GLT1D1: variants seen among roughly 807,000 people sequenced by gnomAD.
GLT1D1 encodes glycosyltransferase 1 domain-containing protein 1.
A neutral mutation model predicts 28.7 loss-of-function variants in GLT1D1; 21 were observed. The ratio of observed to expected loss-of-function variants is 0.73; its 90% CI spans 0.52 to 1.05. The LOEUF (loss-of-function observed/expected upper bound fraction) is 1.05. GLT1D1 is among the 50% of genes least tolerant of loss of function. The probability of loss-of-function intolerance (pLI) is 0.00; values close to 1 mark genes in which losing one functional copy is unlikely to be tolerated. For missense variants in GLT1D1, 343 were observed against 330.6 expected, an observed-to-expected ratio of 1.04 and a Z score of -0.29; for synonymous variants, 147 against 124.8, an observed-to-expected ratio of 1.18 and a Z score of -1.19.
chr12:128,939,399 T>TAA (rs772160842), intron 4 of GLT1D1, among the ~76,000 whole-genome samples: 29 of 116,558 alleles, frequency 2.5e-4, no homozygotes, highest in African/African-American at 7.3e-4. Flanking sequence ...CTGTCTCTAC[T>TAA]AAAAAAAAAA....
Position 128,984,112 on chromosome 12 carries a change from T to G in GLT1D1, c.*1022T>G, listed in dbSNP as rs988125126. 1.3e-5 allele frequency: 2 copies of G among 152,310 alleles called. No individual in the cohort carries two copies. Among genetic ancestry groups the G allele is most frequent in the Non-Finnish European group, 2.9e-5 (2 of 68,096 alleles). The allele number at this position is 152,310 out of a possible 1,614,324, so 9.4% of individuals were successfully genotyped here. A position where few individuals can be genotyped will look rare whatever the true frequency, so the allele number is the denominator to read the frequency against. ...AAATTGTTGCATGCCTGTGGATTCC[T>G]TACGACAATGGGGAACGCGGTGTTT... is the stretch of plus-strand genomic sequence containing the variant. On this transcript the variant is annotated 3_prime_UTR_variant, in exon 8 of 8. Transcript: ENST00000281703.
chr12:128,877,355 A>C (rs975053745), intron 2 of GLT1D1, among the ~76,000 whole-genome samples: 1 of 152,240 alleles, frequency 6.6e-6, no homozygotes, highest in Admixed American at 6.5e-5. Context: ...AATTTTGGTC[A>C]GCAAAATGTG....
chr12:128,905,894 T>C (rs577690308), intron 4 of GLT1D1, among the ~76,000 whole-genome samples: 42 of 151,974 alleles, frequency 2.8e-4, no homozygotes, highest in Non-Finnish European at 5.7e-4. Context: ...TGCAGTGGCG[T>C]GATCGTGGCT....
At chr12:128,870,237 A>G (rs1257168214) in intron 1 of GLT1D1, among the ~76,000 whole-genome samples, 1 of 152,006 alleles carries the variant, frequency 6.6e-6, no homozygotes, top group Non-Finnish European at 1.5e-5. Flanking sequence ...ATAAATTTGC[A>G]CTCCAGCAAA....
chr12:128,912,442 G>A (rs976849275), intron 4 of GLT1D1: 11 of 1,525,194 alleles, frequency 7.2e-6, no homozygotes, highest in Non-Finnish European at 9.7e-6. Flanking sequence ...TAAGGGTAAG[G>A]TCTATGTCCA....
At chr12:128,894,225 C>CT (rs1215829075) in intron 3 of GLT1D1, among the ~76,000 whole-genome samples, 3 of 152,150 alleles carry the variant, frequency 2.0e-5, no homozygotes, top group Admixed American at 6.6e-5. Flanking sequence ...TCTTTCCTTA[C>CT]TTTTCCCTTC....
At chr12:128,904,903 G>C (rs1486100072) in intron 4 of GLT1D1, among the ~76,000 whole-genome samples, 1 of 152,100 alleles carries the variant, frequency 6.6e-6, no homozygotes, top group Non-Finnish European at 1.5e-5. Context: ...CAAAGTGCTG[G>C]GATTACAGGT....
At chr12:128,947,682 T>C (rs894594827) in intron 6 of GLT1D1, among the ~76,000 whole-genome samples, 3 of 152,308 alleles carry the variant, frequency 2.0e-5, no homozygotes, top group East Asian at 1.9e-4. Context: ...CCAGCTACGA[T>C]GTAAAATAAA....
intron 4 of GLT1D1, among the ~76,000 whole-genome samples, chr12:128,917,295 TG>T (rs1300553673): frequency 6.6e-6 from 1 of 152,208 alleles, no homozygotes; most frequent in Non-Finnish European, 1.5e-5. Context: ...CTAGGTTTTT[TG>T]CATATCAATT....
intron 6 of GLT1D1, among the ~76,000 whole-genome samples, chr12:128,948,892 C>T (rs189353885): frequency 7.5e-4 from 114 of 152,226 alleles, no homozygotes; most frequent in Non-Finnish European, 1.3e-4. Context: ...GAAAAAAACA[C>T]AGAGGGAGAT....
chr12:128,881,673 T>A (rs1047448794), intron 2 of GLT1D1, among the ~76,000 whole-genome samples: 49 of 138,896 alleles, frequency 3.5e-4, no homozygotes, highest in African/African-American at 1.2e-3. Flanking sequence ...TATATAAAAA[T>A]ATATATTTTT....
intron 4 of GLT1D1, among the ~76,000 whole-genome samples, chr12:128,942,607 G>A (rs1262888310): frequency 3.9e-5 from 6 of 151,976 alleles, no homozygotes; most frequent in South Asian, 2.1e-4. Flanking sequence ...GAGTAAATAC[G>A]CCATGGAAGA....
chr12:128,871,300 G>A (rs1956682352), intron 1 of GLT1D1, among the ~76,000 whole-genome samples: 1 of 152,186 alleles, frequency 6.6e-6, no homozygotes, highest in Non-Finnish European at 1.5e-5. Flanking sequence ...TAGCTTGACT[G>A]CTGCAGGCAT....
intron 1 of GLT1D1, among the ~76,000 whole-genome samples, chr12:128,871,527 C>A (rs1008756871): frequency 6.6e-6 from 1 of 152,124 alleles, no homozygotes; most frequent in Admixed American, 6.6e-5. Flanking sequence ...TGACACTTTA[C>A]GTTATGAAAA....
chr12:128,904,621 GTCTTTTTTTTTTTTTT>G (rs762869652), intron 4 of GLT1D1, among the ~76,000 whole-genome samples: 1 of 78,866 alleles, frequency 1.3e-5, no homozygotes, highest in Non-Finnish European at 2.4e-5. Flanking sequence ...CATGAAAACA[GTCTTTTTTTTTTTTTT>G]TTTTTTTTTT....
At chr12:128,929,170 C>T (rs766915658) in intron 4 of GLT1D1, among the ~76,000 whole-genome samples, 4 of 152,200 alleles carry the variant, frequency 2.6e-5, no homozygotes, top group Non-Finnish European at 4.4e-5. Context: ...CCATCTTTCC[C>T]GCACCTCAGT....
intron 2 of GLT1D1, among the ~76,000 whole-genome samples, chr12:128,881,512 C>A (rs1957042343): frequency 2.0e-5 from 2 of 100,960 alleles, no homozygotes; most frequent in East Asian, 3.4e-4. Flanking sequence ...CCAGTCCGGG[C>A]AACAGAGTGA....
At chr12:128,889,649 G>A (rs770136250) in intron 3 of GLT1D1, among the ~76,000 whole-genome samples, 25 of 152,150 alleles carry the variant, frequency 1.6e-4, no homozygotes, top group Non-Finnish European at 3.5e-4. Context: ...GAGGTTCATC[G>A]GAGGCTGTTG....
chr12:128,935,167 G>A (rs1874411498), intron 4 of GLT1D1, among the ~76,000 whole-genome samples: 1 of 152,228 alleles, frequency 6.6e-6, no homozygotes, highest in Admixed American at 6.5e-5. Context: ...GCGCAGCCAG[G>A]AGGCAGTTGA....
Sources: allele counts gnomAD v4.1 joint callset (sites outside exome capture counted in the v4.1 genomes callset), GRCh38; gene constraint gnomAD v4.1.1; transcripts MANE v1.5; gene names NCBI Gene and HGNC (gene_info 2026-07-23, HGNC 2026-07-21).